Variants in PSD2 observed in about 807,000 individuals in gnomAD.
PSD2 encodes the protein pleckstrin and Sec7 domain containing 2, also known as PH and SEC7 domain-containing protein 2.
A neutral mutation model predicts 69.8 loss-of-function variants in PSD2; 38 were observed. The ratio of observed to expected loss-of-function variants is 0.54; its 90% CI spans 0.42 to 0.71. The LOEUF (loss-of-function observed/expected upper bound fraction) is 0.71. Among genes scored for constraint, PSD2 ranks in the 30% least tolerant of loss-of-function variants. The pLI is 0.00. For missense variants in PSD2, 943 were observed against 1,014.5 expected (o/e 0.93, Z 0.96); for synonymous variants, 412 against 423.0 (o/e 0.97, Z 0.32).
At chr5:139,806,214 G>A (rs985095578) in intron 1 of PSD2, among the ~76,000 whole-genome samples, 1 of 152,268 alleles carries the variant, frequency 6.6e-6, no homozygotes, top group Admixed American at 6.5e-5. Flanking sequence ...TCATTTGCAG[G>A]CGTCTCCTTG....
chr5:139,815,255 C>T (rs1257440746), intron 4 of PSD2, among the ~76,000 whole-genome samples: 1 of 152,150 alleles, frequency 6.6e-6, no homozygotes, highest in African/African-American at 2.4e-5. Flanking sequence ...CCAACAACTG[C>T]GCCAGCCCAG....
the PSD2 span, among the ~76,000 whole-genome samples, chr5:139,784,338 A>G: frequency 2.0e-5 from 3 of 151,642 alleles, no homozygotes; most frequent in East Asian, 3.9e-4. Context: ...CTCATCCCCA[A>G]TGTGTATCTC....
the PSD2 span, among the ~76,000 whole-genome samples, chr5:139,757,135 C>T: frequency 6.6e-6 from 1 of 152,210 alleles, no homozygotes. Context: ...GTCCCCTAGC[C>T]AAGCCATCTG....
intron 1 of PSD2, among the ~76,000 whole-genome samples, chr5:139,807,978 G>A (rs1759854591): frequency 6.6e-6 from 1 of 152,218 alleles, no homozygotes; most frequent in Non-Finnish European, 1.5e-5. Context: ...TTTATGACCA[G>A]GCAAGTATAG....
chr5:139,771,521 G>GGCGCCCGCCACC, the PSD2 span, among the ~76,000 whole-genome samples: 1 of 152,156 alleles, frequency 6.6e-6, no homozygotes, highest in Non-Finnish European at 1.5e-5. Context: ...TGGGACTACA[G>GGCGCCCGCCACC]GCGCCCGCCA....
At chr5:139,749,336 T>C in the PSD2 span, among the ~76,000 whole-genome samples, 1 of 152,234 alleles carries the variant, frequency 6.6e-6, no homozygotes, top group South Asian at 2.1e-4. Context: ...TTGCATTTTC[T>C]CTGACTGATT....
chr5:139,812,388 G>A (rs535344216), intron 2 of PSD2, among the ~76,000 whole-genome samples: 25 of 152,284 alleles, frequency 1.6e-4, no homozygotes, highest in African/African-American at 6.0e-4. Flanking sequence ...GGCCTCTTTT[G>A]GGGGACAGCA....
At chr5:139,830,602 TTCTTTCTCTTTCTTTCTTTCTTTC>T (rs1760563602) in intron 7 of PSD2, among the ~76,000 whole-genome samples, 26 of 128,548 alleles carry the variant, frequency 2.0e-4, no homozygotes, top group African/African-American at 8.8e-4. Context: ...TTTTCTTTCT[TTCTTTCTCTTTCTTTCTTTCTTTC>T]TCTTTCTTTC....
chr5:139,809,923 G>T (rs1348618030), intron 2 of PSD2, 112 bp downstream of exon 2: 2 of 1,209,762 alleles, frequency 1.7e-6, no homozygotes, highest in Non-Finnish European at 2.3e-6. Context: ...CACATAAAAT[G>T]GGGATTTCAT....
At chr5:139,785,642 G>A in the PSD2 span, among the ~76,000 whole-genome samples, 1 of 152,218 alleles carries the variant, frequency 6.6e-6, no homozygotes, top group Non-Finnish European at 1.5e-5. Context: ...TTGGAAGCAT[G>A]ATTCAGGAGG....
At chr5:139,751,055 G>T in the PSD2 span, among the ~76,000 whole-genome samples, 5 of 152,196 alleles carry the variant, frequency 3.3e-5, no homozygotes, top group African/African-American at 9.7e-5. Context: ...GTTCCTGGGG[G>T]CATGGCAGGG....
intron 7 of PSD2, among the ~76,000 whole-genome samples, chr5:139,832,640 G>A (rs568986429): frequency 1.3e-5 from 2 of 152,250 alleles, no homozygotes; most frequent in South Asian, 4.1e-4. Flanking sequence ...TTTTTTGAGA[G>A]AATACCTATT....
At chr5:139,752,936 C>T in the PSD2 span, among the ~76,000 whole-genome samples, 11 of 152,132 alleles carry the variant, frequency 7.2e-5, no homozygotes, top group East Asian at 1.9e-4. Flanking sequence ...CCAACCCCTC[C>T]GCCCCCTACC....
the PSD2 span, among the ~76,000 whole-genome samples, chr5:139,746,385 T>A: frequency 6.6e-6 from 1 of 151,766 alleles, no homozygotes; most frequent in South Asian, 2.1e-4. The surrounding 1 kb of genome is among the most constrained non-coding windows in gnomAD (Gnocchi z 4.5). Flanking sequence ...TCAGCGAAGA[T>A]TTTTTCCTCT....
chr5:139,788,804 G>T, the PSD2 span, among the ~76,000 whole-genome samples: 1 of 152,220 alleles, frequency 6.6e-6, no homozygotes. Flanking sequence ...TGCTGGCCGG[G>T]CCTCGTCGCT....
In PSD2 at chr5:139,817,395, G is replaced by A. The variant is rs181882384; in HGVS notation, c.1017-86G>A. ...AGGTCTAGGGGGTGGGTGGGTCCGG[G>A]TACCCTGGGCCCAAGTAATGCCTGT... On this transcript the variant is annotated intron_variant, in intron 4 of 14. Coordinates refer to ENST00000274710, the MANE Select transcript of PSD2 (RefSeq NM_032289.4). 8.3e-5 allele frequency: 101 copies of A among 1,216,282 alleles called. 1 individual carries two copies. The East Asian group carries it at 1.3e-3, about 16-fold the overall frequency. The allele number at this position is 1,216,282 out of a possible 1,614,324, so 75.3% of individuals were successfully genotyped here. A position where few individuals can be genotyped will look rare whatever the true frequency, so the allele number is the denominator to read the frequency against.
In PSD2 at chr5:139,842,736, G is replaced by T; in HGVS notation, c.*262G>T. On this transcript the variant is annotated 3_prime_UTR_variant, in exon 15 of 15. Coordinates refer to ENST00000274710, the MANE Select transcript of PSD2 (RefSeq NM_032289.4). ...TGGAGCCTCATTTTGTAGGCCAGTT[G>T]TGTGCATGCTCTAGACACCACCTCG... 1 of 493,640 alleles carries T rather than the reference G, an allele frequency of 2.0e-6. No homozygotes were observed. Among genetic ancestry groups the T allele is most frequent in the Non-Finnish European group, 3.6e-6 (1 of 274,626 alleles). The allele number at this position is 493,640 out of a possible 1,614,324, so 30.6% of individuals were successfully genotyped here.
At chr5:139,834,956 C>A (rs945736734) in intron 8 of PSD2, among the ~76,000 whole-genome samples, 3 of 150,572 alleles carry the variant, frequency 2.0e-5, no homozygotes, top group African/African-American at 4.9e-5. Flanking sequence ...TATATATCTC[C>A]CCAAACCCTC....
the PSD2 span, chr5:139,742,597 G>A: frequency 6.5e-6 from 1 of 152,826 alleles, no homozygotes; most frequent in African/African-American, 2.4e-5. Flanking sequence ...GTGATAGGGC[G>A]AGGTGTGACT....
Sources: allele counts gnomAD v4.1 joint callset (sites outside exome capture counted in the v4.1 genomes callset), GRCh38; gene constraint gnomAD v4.1.1; non-coding constraint Gnocchi (gnomAD v3.1); transcripts MANE v1.5; gene names NCBI Gene and HGNC (gene_info 2026-07-23, HGNC 2026-07-21).